AGPS: variants seen among roughly 807,000 people sequenced by gnomAD.
AGPS encodes alkylglycerone phosphate synthase, also known as alkyldihydroxyacetonephosphate synthase, peroxisomal.
Under a neutral mutation model 90.7 loss-of-function variants are expected in AGPS, and 26 were observed. The ratio of observed to expected loss-of-function variants is 0.29; its 90% CI spans 0.21 to 0.40. AGPS has a LOEUF of 0.40. Among genes scored for constraint, AGPS ranks in the 10% least tolerant of loss-of-function variants. AGPS has a pLI of 1.00. For synonymous variants in AGPS, 294 were observed against 285.3 expected, an observed-to-expected ratio of 1.03 and a Z score of -0.31; for missense variants, 540 against 816.1, an observed-to-expected ratio of 0.66 and a Z score of 4.12.
At chr2:177,420,550 TTG>T (rs1191731930) in intron 2 of AGPS, among the ~76,000 whole-genome samples, 192 bp downstream of exon 2, 1 of 151,418 alleles carries the variant, frequency 6.6e-6, no homozygotes, top group South Asian at 2.1e-4. Context: ...ATATATGTAT[TTG>T]TGTGTGTGTA....
At chr2:177,468,335 T>A in intron 9 of AGPS, 81 bp from the exon 10 acceptor site, 1 of 781,512 alleles carries the variant, frequency 1.3e-6, no homozygotes. Flanking sequence ...AGGTTTTACA[T>A]AAATATATAT....
intron 17 of AGPS, among the ~76,000 whole-genome samples, chr2:177,517,078 G>T (rs1022920218): frequency 6.6e-6 from 1 of 152,028 alleles, no homozygotes; most frequent in Non-Finnish European, 1.5e-5. Flanking sequence ...TTTGTATTGT[G>T]TAGTAAAAAG....
At chr2:177,470,516 C>G (rs560905952) in intron 10 of AGPS, among the ~76,000 whole-genome samples, 80 of 151,720 alleles carry the variant, frequency 5.3e-4, no homozygotes, top group Non-Finnish European at 7.7e-4. Flanking sequence ...CCAGCCTGAC[C>G]AACATGTTGA....
chr2:177,508,897 T>G (rs767367626), intron 16 of AGPS, among the ~76,000 whole-genome samples: 5 of 152,178 alleles, frequency 3.3e-5, no homozygotes, highest in African/African-American at 7.2e-5. Context: ...TCAAAAACTC[T>G]CAGATTTGGG....
At chr2:177,510,419 A>G (rs544692049) in intron 16 of AGPS, among the ~76,000 whole-genome samples, 6 of 152,318 alleles carry the variant, frequency 3.9e-5, no homozygotes, top group Admixed American at 3.3e-4. Flanking sequence ...ATTTCAATAT[A>G]TGAATTTTGA....
intron 11 of AGPS, among the ~76,000 whole-genome samples, chr2:177,488,237 G>T (rs1389357175): frequency 2.0e-4 from 30 of 150,566 alleles, no homozygotes; most frequent in Admixed American, 1.3e-4. Context: ...TTTTGAGACG[G>T]ATTCTCTCTC....
chr2:177,511,108 G>A (rs554079900), intron 16 of AGPS, among the ~76,000 whole-genome samples: 1 of 152,232 alleles, frequency 6.6e-6, no homozygotes, highest in South Asian at 2.1e-4. Context: ...TGTTGTTGTT[G>A]TTGTTGTTGA....
rs2105638546 is a variant in AGPS at position 177,442,426 on chromosome 2, T to C, written c.729T>C (p.Tyr243=). 1 of 1,613,844 alleles carries C rather than the reference T, an allele frequency of 6.2e-7. No individual in the cohort carries two copies. The highest frequency in any genetic ancestry group is 1.7e-5 in the Admixed American group (1 of 60,028). The change falls in exon 7 of 20, where the codon TAT becomes TAC. Residue 243 remains tyrosine (Y), a synonymous_variant. Coordinates refer to ENST00000264167, the MANE Select transcript of AGPS (RefSeq NM_003659.4). ...IPIGGGTSVS[Y]GLMCPADETR... ...TGGCAGGAGGAACAAGTGTTTCATA[T>C]GGCCTGATGTGTCCTGCAGATGAGA... is the stretch of plus-strand genomic sequence containing the variant.
chr2:177,521,789 C>G (rs763675130), intron 18 of AGPS, among the ~76,000 whole-genome samples: 4 of 152,082 alleles, frequency 2.6e-5, no homozygotes, highest in Non-Finnish European at 5.9e-5. Flanking sequence ...TATGCTATAG[C>G]TGTAAGTGGG....
At chr2:177,404,466 C>T (rs993186715) in intron 1 of AGPS, among the ~76,000 whole-genome samples, 1 of 151,952 alleles carries the variant, frequency 6.6e-6, no homozygotes, top group Admixed American at 6.6e-5. Context: ...CATTCCCTGC[C>T]GCCCCCCACC....
At chr2:177,497,002 A>C (rs535687088) in intron 12 of AGPS, among the ~76,000 whole-genome samples, 1 of 152,086 alleles carries the variant, frequency 6.6e-6, no homozygotes, top group African/African-American at 2.4e-5. Context: ...GGCCAGATGC[A>C]TGACTCTTAA....
At chr2:177,503,811 T>TAA (rs1248575927) in intron 14 of AGPS, among the ~76,000 whole-genome samples, 1 of 152,174 alleles carries the variant, frequency 6.6e-6, no homozygotes, top group Non-Finnish European at 1.5e-5. Flanking sequence ...TTTGGGCTTA[T>TAA]GAATTTAGAA....
At chr2:177,412,712 G>A (rs1685654299) in intron 1 of AGPS, among the ~76,000 whole-genome samples, 1 of 152,162 alleles carries the variant, frequency 6.6e-6, no homozygotes, top group African/African-American at 2.4e-5. Flanking sequence ...CAAGATGGCA[G>A]CAAGCCTCTT....
chr2:177,508,331 G>T (rs1293562846), intron 16 of AGPS, among the ~76,000 whole-genome samples: 1 of 152,086 alleles, frequency 6.6e-6, no homozygotes, highest in Admixed American at 6.5e-5. Flanking sequence ...ACTTCGCTTT[G>T]ACTTAAATTC....
chr2:177,411,931 A>G (rs565085533), intron 1 of AGPS, among the ~76,000 whole-genome samples: 3 of 152,146 alleles, frequency 2.0e-5, no homozygotes, highest in South Asian at 2.1e-4. Flanking sequence ...ATCTTACACA[A>G]TGGGAGAGCA....
At chr2:177,463,822 A>G (rs779549424) in intron 9 of AGPS, among the ~76,000 whole-genome samples, 5 of 152,178 alleles carry the variant, frequency 3.3e-5, no homozygotes, top group Admixed American at 3.3e-4. Context: ...AGCACTGTGA[A>G]ATCATGTAGT....
chr2:177,419,326 T>G (rs773934870), intron 1 of AGPS, among the ~76,000 whole-genome samples: 18 of 151,918 alleles, frequency 1.2e-4, no homozygotes, highest in Non-Finnish European at 2.2e-4. Context: ...CAAATAACTT[T>G]CAAGATAGAA....
rs565204166 is a variant in AGPS at position 177,533,135 on chromosome 2, T to C, written c.1856-4939T>C. On this transcript the variant is annotated intron_variant, in intron 19 of 19. Coordinates refer to ENST00000264167, the MANE Select transcript of AGPS (RefSeq NM_003659.4). Reference sequence around the variant, plus strand: ...TCAGATTACTATAAGATAGAAAATTTGTTTTGCCTTTTAATTTTTTCAGTT... The same window carrying C: ...TCAGATTACTATAAGATAGAAAATTCGTTTTGCCTTTTAATTTTTTCAGTT... Among the ~76,000 whole-genome samples the C allele has an allele frequency of 7.0e-4, 107 of 152,308 alleles. No homozygotes were observed. The Middle Eastern group carries it at 0.01, about 15-fold the overall frequency.
intron 1 of AGPS, among the ~76,000 whole-genome samples, chr2:177,409,818 C>G (rs755959335): frequency 3.3e-5 from 5 of 152,134 alleles, no homozygotes; most frequent in African/African-American, 4.8e-5. Flanking sequence ...ACCTTCTATT[C>G]TGGAAGAGAC....
Sources: allele counts gnomAD v4.1 joint callset (sites outside exome capture counted in the v4.1 genomes callset), GRCh38; gene constraint gnomAD v4.1.1; transcripts MANE v1.5; gene names NCBI Gene and HGNC (gene_info 2026-07-23, HGNC 2026-07-21).